PCSK6: variants seen among roughly 807,000 people sequenced by gnomAD.
PCSK6 encodes the protein proprotein convertase subtilisin/kexin type 6.
PCSK6 carries 85 observed loss-of-function variants against 123.3 expected under a neutral mutation model. That is an observed-to-expected ratio of 0.69 (90% CI 0.58 to 0.83). The LOEUF (loss-of-function observed/expected upper bound fraction) is 0.83, where lower values mean the gene tolerates loss of function less well. Among genes scored for constraint, PCSK6 ranks in the 40% least tolerant of loss-of-function variants. The pLI is 0.00. For synonymous variants in PCSK6, 508 were observed against 516.0 expected (o/e 0.98, Z 0.21); for missense variants, 1,191 against 1,282.3 (o/e 0.93, Z 1.09).
At chr15:101,445,585 G>GT (rs1301058695) in intron 1 of PCSK6, among the ~76,000 whole-genome samples, 2 of 152,040 alleles carry the variant, frequency 1.3e-5, no homozygotes, top group Non-Finnish European at 2.9e-5. Flanking sequence ...ACTGCCACAC[G>GT]TGTCAAAAGG....
intron 5 of PCSK6, among the ~76,000 whole-genome samples, chr15:101,429,486 T>TCTTAGTGAG (rs1489051229): frequency 4.6e-5 from 7 of 152,108 alleles, no homozygotes; most frequent in African/African-American, 2.4e-5. Context: ...ACATGAAGTT[T>TCTTAGTGAG]CAACCAGCTC....
intron 13 of PCSK6, among the ~76,000 whole-genome samples, chr15:101,343,807 T>C (rs560431123): frequency 8.0e-4 from 122 of 152,312 alleles, no homozygotes; most frequent in Non-Finnish European, 9.1e-4. Flanking sequence ...AGTGGGTGTA[T>C]TGGCCGGGCG....
chr15:101,347,699 T>A (rs1270910478), intron 13 of PCSK6: 17 of 1,611,474 alleles, frequency 1.1e-5, no homozygotes, highest in Non-Finnish European at 1.4e-5. Context: ...TGGTCATCTG[T>A]CCCTCTGCAG....
intron 7 of PCSK6, among the ~76,000 whole-genome samples, chr15:101,394,534 C>G (rs940115197): frequency 6.6e-6 from 1 of 152,208 alleles, no homozygotes; most frequent in Non-Finnish European, 1.5e-5. Flanking sequence ...GCATCCACCT[C>G]CACGGGAAAC....
intron 6 of PCSK6, among the ~76,000 whole-genome samples, chr15:101,399,841 C>G (rs1347569217): frequency 2.0e-5 from 3 of 152,128 alleles, no homozygotes; most frequent in African/African-American, 7.2e-5. Context: ...CCCGGGAGCC[C>G]CTCACCCACG....
intron 8 of PCSK6, among the ~76,000 whole-genome samples, chr15:101,392,617 G>T (rs1267720613): frequency 1.7e-5 from 1 of 59,942 alleles, no homozygotes; most frequent in Non-Finnish European, 3.5e-5. Flanking sequence ...TTTTAAGTAG[G>T]AAAGTATGTA....
chr15:101,402,781 G>C (rs895186143), intron 6 of PCSK6, among the ~76,000 whole-genome samples: 10 of 152,162 alleles, frequency 6.6e-5, no homozygotes, highest in Admixed American at 5.2e-4. Context: ...ACAGGTGCTG[G>C]AGAGGATGTG....
At chr15:101,387,873 ACAT>A (rs2141530538) in intron 9 of PCSK6, among the ~76,000 whole-genome samples, 1 of 152,350 alleles carries the variant, frequency 6.6e-6, no homozygotes, top group Admixed American at 6.5e-5. Context: ...AAATTCCCAG[ACAT>A]CAACCGTTCC....
chr15:101,371,833 T>C (rs2041596841), intron 11 of PCSK6, among the ~76,000 whole-genome samples: 1 of 152,182 alleles, frequency 6.6e-6, no homozygotes, highest in Non-Finnish European at 1.5e-5. Flanking sequence ...GTGCCAAGCT[T>C]GTGTGCTCCC....
chr15:101,404,199 T>C (rs1392820475), intron 6 of PCSK6, among the ~76,000 whole-genome samples: 1 of 152,206 alleles, frequency 6.6e-6, no homozygotes, highest in Non-Finnish European at 1.5e-5. Context: ...CCTGTGAAGA[T>C]CAAAGGAGTC....
chr15:101,455,725 C>G (rs74511207), intron 1 of PCSK6, among the ~76,000 whole-genome samples: 1,885 of 152,328 alleles, frequency 0.012, 32 homozygotes, highest in African/African-American at 0.038. Flanking sequence ...AAACCAGGCA[C>G]AGAGAAACAT....
At position 101,325,288 on chromosome 15, in the gene PCSK6, C is replaced by T. The variant is rs74332832; in HGVS notation, c.2181-242G>A. 1.1e-3 allele frequency among the ~76,000 whole-genome samples: 174 copies of T among 152,264 alleles called. 2 individuals are homozygous for T. The East Asian group carries it at 0.027, about 24-fold the overall frequency. ...GCCCTGCTGGAAGGTCCTGAGGGTG[C>T]GCATGGTTTCCCAAGGGCATCGTGA... On this transcript the variant is annotated intron_variant, in intron 16 of 21. Coordinates refer to ENST00000611716, the MANE Select transcript of PCSK6 (RefSeq NM_002570.5).
chr15:101,383,372 T>C (rs1174268364), intron 10 of PCSK6, among the ~76,000 whole-genome samples: 1 of 137,876 alleles, frequency 7.3e-6, no homozygotes, highest in Non-Finnish European at 1.5e-5. Flanking sequence ...ATCGTGCCAT[T>C]GCACTCCAGC....
intron 6 of PCSK6, among the ~76,000 whole-genome samples, chr15:101,417,037 A>G (rs1188236383): frequency 6.6e-6 from 1 of 152,170 alleles, no homozygotes; most frequent in Non-Finnish European, 1.5e-5. Context: ...CATCCTCCAG[A>G]CCCCAGAATA....
At chr15:101,315,241 G>A (rs1596171167) in intron 19 of PCSK6, among the ~76,000 whole-genome samples, 1 of 152,310 alleles carries the variant, frequency 6.6e-6, no homozygotes, top group Non-Finnish European at 1.5e-5. Flanking sequence ...CCACCGAACT[G>A]TATGCCTAAA....
chr15:101,408,400 A>T (rs1373194824), intron 6 of PCSK6, among the ~76,000 whole-genome samples: 1 of 152,222 alleles, frequency 6.6e-6, no homozygotes, highest in Non-Finnish European at 1.5e-5. Context: ...TATGCAGCCC[A>T]CAGCATTCGA....
At chr15:101,331,595 C>G in intron 15 of PCSK6, 56 bp downstream of exon 15, 2 of 1,549,520 alleles carry the variant, frequency 1.3e-6, no homozygotes, top group Non-Finnish European at 1.8e-6. Context: ...GCATATAGAC[C>G]CTGCTCTCCC....
intron 13 of PCSK6, 26 bp downstream of exon 13, chr15:101,366,170 T>A: frequency 1.2e-6 from 2 of 1,601,604 alleles, no homozygotes; most frequent in Non-Finnish European, 1.7e-6. Context: ...ACAAAAGCTG[T>A]CATGAGATTC....
At chr15:101,324,404 C>G (rs968008733) in intron 17 of PCSK6, among the ~76,000 whole-genome samples, 1 of 152,210 alleles carries the variant, frequency 6.6e-6, no homozygotes, top group Non-Finnish European at 1.5e-5. Flanking sequence ...CTGACCCACG[C>G]CCAGCGCACA....
Sources: gnomAD v4.1 joint callset for allele counts (sites outside exome capture counted in the v4.1 genomes callset) on GRCh38, gnomAD v4.1.1 for gene constraint, MANE v1.5 for transcripts, NCBI Gene and HGNC (gene_info 2026-07-23, HGNC 2026-07-21) for gene names.